The following RHOT1 variants were observed in gnomAD, a reference collection of about 807,000 sequenced individuals.
The protein encoded by RHOT1 is ras homolog family member T1, also known as mitochondrial Rho GTPase 1.
RHOT1 carries 27 observed loss-of-function variants against 95.3 expected under a neutral mutation model. That is an observed-to-expected ratio of 0.28 (90% confidence interval 0.21 to 0.39). The LOEUF (loss-of-function observed/expected upper bound fraction) is 0.39. Among genes scored for constraint, RHOT1 ranks in the 10% least tolerant of loss-of-function variants. RHOT1 has a pLI of 1.00. For missense variants in RHOT1, 578 were observed against 786.7 expected (o/e 0.73, Z 3.17); for synonymous variants, 227 against 263.5 (o/e 0.86, Z 1.34).
Position 32,199,575 on chromosome 17 carries a change from C to T in RHOT1, c.1100+25C>T, listed in dbSNP as rs1194109804. 5 of 1,549,770 alleles carry T rather than the reference C, an allele frequency of 3.2e-6. No individual in the cohort carries two copies. The South Asian group carries it at 3.7e-5, about 11-fold the overall frequency. On this transcript the variant is annotated intron_variant, in intron 13 of 19. Coordinates refer to ENST00000545287, the MANE Select transcript of RHOT1 (RefSeq NM_001033566.3). ...CGTGAGTATAGAGCTCACCTCTTTC[C>T]TCTAGAGTTACAAATAGTTTAAAAT...
Position 32,179,807 on chromosome 17 carries a change from G to A in RHOT1, c.330-2950G>A, listed in dbSNP as rs151185063. 9.9e-3 allele frequency: 1,410 copies of A among 142,888 alleles called. 24 individuals carry two copies. The highest frequency in any genetic ancestry group is 0.032 in the East Asian group (143 of 4,436). 8.9% of individuals were successfully genotyped at this position (142,888 alleles called of 1,614,324 possible). On this transcript the variant is annotated intron_variant, in intron 6 of 19. Transcript: ENST00000545287. ...CCACCCCGTCTGGGAAGTGGGGAGCGCCTCTGCCTGGCCGCCCATCGTCTG... is the reference window on the plus strand; with the variant it reads ...CCACCCCGTCTGGGAAGTGGGGAGCACCTCTGCCTGGCCGCCCATCGTCTG...
At chr17:32,146,869 T>A (rs1437956814) in intron 1 of RHOT1, among the ~76,000 whole-genome samples, 3 of 149,958 alleles carry the variant, frequency 2.0e-5, no homozygotes, top group African/African-American at 7.4e-5. Context: ...ATGACAGGCA[T>A]GCACCACCAT....
At chr17:32,223,562 C>T (rs571000981) in intron 19 of RHOT1, among the ~76,000 whole-genome samples, 2 of 151,724 alleles carry the variant, frequency 1.3e-5, no homozygotes, top group South Asian at 4.2e-4. Flanking sequence ...TTACAGGCAC[C>T]CACCACCATG....
chr17:32,166,762 A>G (rs894416604), intron 1 of RHOT1, among the ~76,000 whole-genome samples: 1 of 152,196 alleles, frequency 6.6e-6, no homozygotes, highest in Non-Finnish European at 1.5e-5. Context: ...TTTAGGCTTC[A>G]CTTCTAATTC....
At chr17:32,152,149 G>T (rs1264131307) in intron 1 of RHOT1, among the ~76,000 whole-genome samples, 1 of 152,202 alleles carries the variant, frequency 6.6e-6, no homozygotes, top group African/African-American at 2.4e-5. Flanking sequence ...CCACTGTGTT[G>T]TGTGTCTGTA....
Position 32,142,674 on chromosome 17 carries a change from G to C in RHOT1, c.-19G>C. On this transcript the variant is annotated 5_prime_UTR_variant, in exon 1 of 20. Coordinates refer to ENST00000545287, the MANE Select transcript of RHOT1 (RefSeq NM_001033566.3). ...ACTCCGTGCGTGCGGGCGGAGGCCG[G>C]CCCCCGAGAGCCGCCGACATGAAGA... 6.5e-7 allele frequency: 1 copy of C among 1,527,044 alleles called. No homozygotes were observed. Among genetic ancestry groups the C allele is most frequent in the Non-Finnish European group, 8.8e-7 (1 of 1,138,348 alleles). The allele number at this position is 1,527,044 out of a possible 1,614,324, so 94.6% of individuals were successfully genotyped here. A position where few individuals can be genotyped will look rare whatever the true frequency, so the allele number is the denominator to read the frequency against.
intron 19 of RHOT1, among the ~76,000 whole-genome samples, chr17:32,223,661 C>T (rs7222096): frequency 2.5e-4 from 38 of 150,802 alleles, no homozygotes; most frequent in Middle Eastern, 3.4e-3. Flanking sequence ...GTGATCCACC[C>T]GCCTCAGCCT....
intron 16 of RHOT1, among the ~76,000 whole-genome samples, chr17:32,204,520 A>G (rs2037557465): frequency 6.6e-6 from 1 of 151,036 alleles, no homozygotes; most frequent in South Asian, 2.1e-4. Context: ...TGCCTGGGCA[A>G]CAAGAGCGAA....
intron 1 of RHOT1, among the ~76,000 whole-genome samples, chr17:32,144,628 A>C (rs1182845151): frequency 6.6e-6 from 1 of 151,730 alleles, no homozygotes; most frequent in Non-Finnish European, 1.5e-5. Flanking sequence ...CAGGAGGATC[A>C]CTTGAGGCCA....
intron 1 of RHOT1, among the ~76,000 whole-genome samples, chr17:32,143,380 A>C (rs189696649): frequency 6.6e-6 from 1 of 152,280 alleles, no homozygotes; most frequent in Admixed American, 6.5e-5. Flanking sequence ...AACTCCTCGT[A>C]CTCGAGATAT....
intron 1 of RHOT1, among the ~76,000 whole-genome samples, chr17:32,149,635 A>ATATATATATATATATATATATATATG (rs1445281403): frequency 1.7e-5 from 1 of 59,076 alleles, no homozygotes; most frequent in Non-Finnish European, 3.4e-5. Context: ...ATATATATAT[A>ATATATATATATATATATATATATATG]TGTGTGTGTG....
At chr17:32,183,325 G>A in intron 8 of RHOT1, 53 bp downstream of exon 8, 2 of 1,029,482 alleles carry the variant, frequency 1.9e-6, no homozygotes, top group Non-Finnish European at 2.7e-6. Flanking sequence ...ACTCTAGTAT[G>A]GTAGTGATTT....
chr17:32,183,080 A>T, intron 7 of RHOT1, 91 bp from the exon 8 acceptor site: 2 of 1,162,906 alleles, frequency 1.7e-6, no homozygotes, highest in Non-Finnish European at 2.5e-6. Context: ...GTTTTTTTTC[A>T]AGGAATCTTT....
intron 6 of RHOT1, among the ~76,000 whole-genome samples, chr17:32,182,304 C>A (rs1047667152): frequency 6.6e-6 from 1 of 151,898 alleles, no homozygotes; most frequent in African/African-American, 2.4e-5. Context: ...ATAGCTAGAC[C>A]CTTCTCTACA....
chr17:32,174,326 A>G (rs1993792), intron 3 of RHOT1, among the ~76,000 whole-genome samples: 1,997 of 152,294 alleles, frequency 0.013, 41 homozygotes, highest in African/African-American at 0.046. Context: ...ATGAAAATTT[A>G]ATTTTACCTT....
At chr17:32,205,616 C>G (rs1037106307) in intron 16 of RHOT1, among the ~76,000 whole-genome samples, 12 of 152,202 alleles carry the variant, frequency 7.9e-5, no homozygotes, top group African/African-American at 2.7e-4. Context: ...AAAAGAAGAG[C>G]TGAAAAGACA....
At chr17:32,222,859 A>G (rs114655522) in intron 19 of RHOT1, 181 of 985,770 alleles carry the variant, frequency 1.8e-4, no homozygotes, top group African/African-American at 1.4e-3. Flanking sequence ...AGAAGATTCC[A>G]TCTTCATGGA....
chr17:32,215,773 A>G (rs1598467095), intron 19 of RHOT1, among the ~76,000 whole-genome samples: 1 of 152,320 alleles, frequency 6.6e-6, no homozygotes, highest in East Asian at 1.9e-4. Flanking sequence ...AACGTATATT[A>G]ACTTTGATGT....
intron 1 of RHOT1, among the ~76,000 whole-genome samples, chr17:32,145,857 A>G (rs566386718): frequency 3.4e-4 from 51 of 152,202 alleles, no homozygotes; most frequent in African/African-American, 1.1e-3. Context: ...TCTACAAAAA[A>G]TACAAAAAAT....
Sources: gnomAD v4.1 joint callset for allele counts (sites outside exome capture counted in the v4.1 genomes callset) on GRCh38, gnomAD v4.1.1 for gene constraint, MANE v1.5 for transcripts, NCBI Gene and HGNC (gene_info 2026-07-23, HGNC 2026-07-21) for gene names.